The following DHRSX variants were observed in gnomAD, a reference collection of about 807,000 sequenced individuals.
The protein encoded by DHRSX is dehydrogenase/reductase X-linked.
DHRSX carries 31 observed loss-of-function variants against 34.0 expected under a neutral mutation model. The observed-to-expected ratio is 0.91, with a 90% CI of 0.69 to 1.23. DHRSX has a LOEUF of 1.23. Ranked by LOEUF, DHRSX falls within the 50% of genes most tolerant of loss-of-function variation. The probability of loss-of-function intolerance (pLI) is 0.00; values close to 1 mark genes in which losing one functional copy is unlikely to be tolerated. For missense variants in DHRSX, 414 were observed against 428.1 expected, an observed-to-expected ratio of 0.97 and a Z score of 0.29; for synonymous variants, 201 against 183.8, an observed-to-expected ratio of 1.09 and a Z score of -0.76.
At chrX:2,341,641 G>A (rs1169999730) in intron 3 of DHRSX, among the ~76,000 whole-genome samples, 1 of 137,628 alleles carries the variant, frequency 7.3e-6, no homozygotes, top group East Asian at 2.0e-4. Flanking sequence ...CAGATTCAAG[G>A]TGAACTTGTC....
chrX:2,276,087 C>A (rs947274924), intron 4 of DHRSX, among the ~76,000 whole-genome samples: 1 of 152,184 alleles, frequency 6.6e-6, no homozygotes, highest in Non-Finnish European at 1.5e-5. Context: ...CGTGATCCAT[C>A]CACGTCGGCC....
At chrX:2,224,259 G>A (rs1796997858) in intron 6 of DHRSX, among the ~76,000 whole-genome samples, 2 of 127,104 alleles carry the variant, frequency 1.6e-5, no homozygotes, top group South Asian at 2.5e-4. Flanking sequence ...AGCTTAGGCC[G>A]CTCCTGGGTT....
At chrX:2,426,715 C>T (rs1187689037) in intron 1 of DHRSX, among the ~76,000 whole-genome samples, 7 of 141,048 alleles carry the variant, frequency 5.0e-5, no homozygotes, top group Admixed American at 2.2e-4. Context: ...CCATCCTTTC[C>T]TCTTCACTTC....
At chrX:2,386,882 GT>G (rs57827913) in intron 3 of DHRSX, among the ~76,000 whole-genome samples, 33,583 of 123,842 alleles carry the variant, frequency 0.27, 4,277 homozygotes, top group African/African-American at 0.43. Flanking sequence ...TGATGGTTTT[GT>G]TTTTTTTTTT....
Position 2,221,163 on chromosome X carries a change from C to T in DHRSX, c.871G>A (p.Gly291Ser), listed in dbSNP as rs2015511346. The change falls in exon 7 of 7, where the codon GGC (glycine) becomes AGC (serine). Residue 291 changes from glycine (G) to serine (S), a missense_variant. Coordinates refer to ENST00000334651, the MANE Select transcript of DHRSX (RefSeq NM_145177.3). ...AVTPELEGVG[G>S]HYLYNEKETK... ...TCTTTCTCGTTGTATAGGTAATGGC[C>T]ACCAACTCCTTCCAGCTCTGGGGTG... 3 of 1,613,862 alleles carry T rather than the reference C, an allele frequency of 1.9e-6. No individual in the cohort carries two copies. In the African/African-American group the frequency reaches 4.0e-5, roughly 22 times the overall value.
At chrX:2,428,063 C>G (rs1035900396) in intron 1 of DHRSX, among the ~76,000 whole-genome samples, 1 of 152,050 alleles carries the variant, frequency 6.6e-6, no homozygotes, top group South Asian at 2.1e-4. Flanking sequence ...AATGTGTACA[C>G]GTCGACATAG....
chrX:2,396,722 A>G (rs1177320455), intron 3 of DHRSX, among the ~76,000 whole-genome samples: 1 of 148,870 alleles, frequency 6.7e-6, no homozygotes, highest in African/African-American at 2.5e-5. Flanking sequence ...TGATGGCCGC[A>G]TCACTCCAGT....
At chrX:2,457,028 G>A (rs2044308496) in intron 1 of DHRSX, among the ~76,000 whole-genome samples, 2 of 152,122 alleles carry the variant, frequency 1.3e-5, no homozygotes, top group Non-Finnish European at 2.9e-5. Flanking sequence ...CAGGCTGGCT[G>A]TGTCTCTCAC....
At chrX:2,364,945 C>G (rs2042980202) in intron 3 of DHRSX, among the ~76,000 whole-genome samples, 1 of 152,072 alleles carries the variant, frequency 6.6e-6, no homozygotes, top group African/African-American at 2.4e-5. Flanking sequence ...ATCTATGTAT[C>G]CATCATCTAT....
At chrX:2,490,288 C>T in intron 1 of DHRSX, 1 of 1,613,660 alleles carries the variant, frequency 6.2e-7, no homozygotes, top group South Asian at 1.1e-5. Flanking sequence ...TGGGCTCGTC[C>T]ACGATGGAGG....
Position 2,471,221 on chromosome X carries a change from A to G in DHRSX, c.109+29596T>C, listed in dbSNP as rs146394487. On this transcript the variant is annotated intron_variant, in intron 1 of 6. Coordinates refer to ENST00000334651, the MANE Select transcript of DHRSX (RefSeq NM_145177.3). ...TTAATTCAACACCCTTTATATGACC[A>G]TGACCCAAGGGGCTCCAAGTTGCCA... Among the ~76,000 whole-genome samples, 461 of 152,316 alleles carry G rather than the reference A, an allele frequency of 3.0e-3. 9 individuals are homozygous for G. Among genetic ancestry groups the G allele is most frequent in the African/African-American group, 9.7e-3 (403 of 41,564 alleles).
Position 2,391,116 on chromosome X carries a change from G to A in DHRSX, c.286+17629C>T, listed in dbSNP as rs190668622. ...TGTAAGTAATACTGCTGCTGCAAAC[G>A]TGGTTTGTGCAAATATCTGTTGGAG... On this transcript the variant is annotated intron_variant, in intron 3 of 6. Coordinates refer to ENST00000334651, the MANE Select transcript of DHRSX (RefSeq NM_145177.3). Among the ~76,000 whole-genome samples the A allele has an allele frequency of 1.6e-3, 249 of 152,288 alleles. 1 individual carries two copies. Among genetic ancestry groups the A allele is most frequent in the Admixed American group, 3.8e-3 (58 of 15,294 alleles).
intron 2 of DHRSX, among the ~76,000 whole-genome samples, chrX:2,422,332 G>C (rs963627424): frequency 2.0e-4 from 30 of 151,260 alleles, no homozygotes; most frequent in African/African-American, 7.3e-4. Flanking sequence ...GCGCGATCTC[G>C]GTTCACTGCA....
chrX:2,368,891 G>C (rs538551775), intron 3 of DHRSX, among the ~76,000 whole-genome samples: 11 of 152,074 alleles, frequency 7.2e-5, no homozygotes, highest in African/African-American at 2.6e-4. Flanking sequence ...GCAGTGAGCC[G>C]AGATCGCACC....
intron 5 of DHRSX, among the ~76,000 whole-genome samples, chrX:2,247,135 G>A: frequency 6.6e-6 from 1 of 152,132 alleles, no homozygotes; most frequent in Middle Eastern, 3.4e-3. Context: ...TTTTAGTAGA[G>A]ACGGGGTTTC....
chrX:2,374,252 G>A (rs2043114281), intron 3 of DHRSX, among the ~76,000 whole-genome samples: 1 of 152,176 alleles, frequency 6.6e-6, no homozygotes, highest in South Asian at 2.1e-4. Context: ...ATTCTTGACA[G>A]AAGAGTTGGC....
intron 3 of DHRSX, among the ~76,000 whole-genome samples, chrX:2,372,994 T>TA (rs1236518909): frequency 3.3e-5 from 5 of 152,146 alleles, no homozygotes; most frequent in African/African-American, 4.8e-5. Context: ...CTGATAGACA[T>TA]ACCCGAGACG....
intron 1 of DHRSX, among the ~76,000 whole-genome samples, chrX:2,428,718 A>C (rs1231638398): frequency 6.6e-6 from 1 of 152,190 alleles, no homozygotes; most frequent in Non-Finnish European, 1.5e-5. Context: ...GTGTATACCT[A>C]TGTAACAAAC....
intron 1 of DHRSX, among the ~76,000 whole-genome samples, chrX:2,481,764 T>G (rs1195987209): frequency 1.3e-5 from 2 of 152,164 alleles, no homozygotes; most frequent in South Asian, 2.1e-4. Context: ...TGTTCCCAGT[T>G]ATTACTCGGA....
Sources: gnomAD v4.1 joint callset for allele counts (sites outside exome capture counted in the v4.1 genomes callset) on GRCh38, gnomAD v4.1.1 for gene constraint, MANE v1.5 for transcripts, NCBI Gene and HGNC (gene_info 2026-07-23, HGNC 2026-07-21) for gene names.